Variants in CDH13 observed in about 807,000 individuals in gnomAD.
CDH13 encodes the protein cadherin 13.
CDH13 carries 24 observed loss-of-function variants against 63.8 expected under a neutral mutation model. That is an observed-to-expected ratio of 0.38 (90% CI 0.27 to 0.53). The LOEUF (loss-of-function observed/expected upper bound fraction) is 0.53. Ranked by LOEUF, CDH13 falls within the 20% of genes least tolerant of loss-of-function variation. The pLI is 0.85. For missense variants in CDH13, 1,049 were observed against 903.1 expected (o/e 1.16, Z -2.07); for synonymous variants, 503 against 355.3 (o/e 1.42, Z -4.67).
chr16:83,346,999 A>G (rs867189330), intron 6 of CDH13, among the ~76,000 whole-genome samples: 5 of 152,290 alleles, frequency 3.3e-5, no homozygotes, highest in African/African-American at 9.6e-5. Context: ...GGGTTGGACT[A>G]TAAAGCACGC....
At chr16:83,555,220 T>C (rs1407712293) in intron 7 of CDH13, among the ~76,000 whole-genome samples, 9 of 152,198 alleles carry the variant, frequency 5.9e-5, no homozygotes, top group African/African-American at 1.9e-4. Context: ...ATGGAGACCA[T>C]GGTTTGTACA....
intron 1 of CDH13, among the ~76,000 whole-genome samples, chr16:82,852,146 C>T (rs937145560): frequency 6.6e-6 from 1 of 152,186 alleles, no homozygotes; most frequent in Admixed American, 6.5e-5. Context: ...AAGTTTCTCT[C>T]TTTATTTGTG....
intron 6 of CDH13, among the ~76,000 whole-genome samples, chr16:83,400,751 C>G (rs2091955824): frequency 6.6e-6 from 1 of 151,570 alleles, no homozygotes; most frequent in Admixed American, 6.6e-5. Context: ...AAAGTGAGTC[C>G]CATCAACCCA....
At chr16:83,171,639 A>G in intron 4 of CDH13, 4 of 1,271,676 alleles carry the variant, frequency 3.1e-6, no homozygotes, top group African/African-American at 1.5e-5. Context: ...CCAATTTCCT[A>G]TATGCCATCA....
intron 7 of CDH13, among the ~76,000 whole-genome samples, chr16:83,504,654 G>T (rs972712784): frequency 1.3e-5 from 2 of 152,202 alleles, no homozygotes; most frequent in African/African-American, 4.8e-5. Context: ...GTCATGGCAG[G>T]TAGCGGGAGA....
chr16:82,701,168 C>A (rs936580834), intron 1 of CDH13, among the ~76,000 whole-genome samples: 6 of 152,082 alleles, frequency 3.9e-5, no homozygotes, highest in Non-Finnish European at 8.8e-5. Context: ...CTCTTCCTCA[C>A]CTTCTACTAA....
chr16:83,518,380 T>C (rs1459189526), intron 7 of CDH13, among the ~76,000 whole-genome samples: 1 of 148,408 alleles, frequency 6.7e-6, no homozygotes, highest in Non-Finnish European at 1.5e-5. Context: ...CTCCTGACCT[T>C]GTGATCCACC....
In CDH13 at chr16:83,140,681, C is replaced by A. The variant is rs2036492019; in HGVS notation, c.483+15180C>A. Among the ~76,000 whole-genome samples, 4 of 152,302 alleles carry A rather than the reference C, an allele frequency of 2.6e-5. No homozygotes were observed. In the South Asian group the frequency reaches 6.2e-4, roughly 24 times the overall value. ...TGTTGGCCAGGCTTGTCTCGAACTC[C>A]TGACCTCAGGTGATCCACCCGCCTG... On this transcript the variant is annotated intron_variant, in intron 4 of 13. Coordinates refer to ENST00000567109, the MANE Select transcript of CDH13 (RefSeq NM_001257.5).
At chr16:82,839,142 A>G (rs956662460) in intron 1 of CDH13, among the ~76,000 whole-genome samples, 1 of 152,236 alleles carries the variant, frequency 6.6e-6, no homozygotes, top group African/African-American at 2.4e-5. Context: ...GATTGGGACA[A>G]GAACTCAGAG....
intron 7 of CDH13, among the ~76,000 whole-genome samples, chr16:83,584,397 A>G (rs1905944106): frequency 6.6e-6 from 1 of 152,218 alleles, no homozygotes; most frequent in Admixed American, 6.5e-5. Context: ...GGGACAGAGA[A>G]CTATCTATGG....
intron 5 of CDH13, among the ~76,000 whole-genome samples, chr16:83,249,330 T>C (rs189340660): frequency 6.6e-6 from 1 of 152,334 alleles, no homozygotes; most frequent in African/African-American, 2.4e-5. Context: ...TAGCTTGATA[T>C]CAGCCATGGC....
chr16:83,772,061 G>C (rs1442816143), intron 11 of CDH13, among the ~76,000 whole-genome samples: 1 of 152,170 alleles, frequency 6.6e-6, no homozygotes, highest in Non-Finnish European at 1.5e-5. Flanking sequence ...GGTGGAGAAG[G>C]ATGGGGGGTG....
At chr16:82,862,807 G>A (rs184625538) in intron 2 of CDH13, among the ~76,000 whole-genome samples, 7 of 152,248 alleles carry the variant, frequency 4.6e-5, no homozygotes, top group East Asian at 3.9e-4. Flanking sequence ...AGATGCAGTC[G>A]GGCTGCTCTC....
chr16:82,859,236 T>G (rs1478615865), intron 2 of CDH13: 1 of 152,138 alleles, frequency 6.6e-6, no homozygotes, highest in Non-Finnish European at 1.5e-5. Context: ...CAACTGGAAA[T>G]GAAGAATATG....
chr16:83,680,522 C>T (rs1598466461), intron 10 of CDH13, among the ~76,000 whole-genome samples: 1 of 152,170 alleles, frequency 6.6e-6, no homozygotes, highest in Non-Finnish European at 1.5e-5. Flanking sequence ...CATTAAGGAA[C>T]ATCCAGGCCA....
chr16:82,893,891 A>T (rs183221367), intron 2 of CDH13, among the ~76,000 whole-genome samples: 28 of 152,248 alleles, frequency 1.8e-4, no homozygotes, highest in Non-Finnish European at 3.4e-4. Context: ...TCCAAGTGAC[A>T]TCATTCCCCC....
At chr16:82,898,417 C>G (rs1241791712) in intron 2 of CDH13, among the ~76,000 whole-genome samples, 1 of 152,190 alleles carries the variant, frequency 6.6e-6, no homozygotes, top group Non-Finnish European at 1.5e-5. Context: ...TCCGGCTACT[C>G]AGGAGGTGGA....
At chr16:82,873,858 ACTT>A (rs1186017409) in intron 2 of CDH13, among the ~76,000 whole-genome samples, 2 of 151,968 alleles carry the variant, frequency 1.3e-5, no homozygotes, top group Admixed American at 6.6e-5. Flanking sequence ...TTTTCTTCCT[ACTT>A]CTTCTGAGAC....
chr16:83,732,261 A>G (rs1911112979), intron 10 of CDH13, among the ~76,000 whole-genome samples: 1 of 152,188 alleles, frequency 6.6e-6, no homozygotes, highest in Admixed American at 6.5e-5. Context: ...GGAGAAGGCC[A>G]CCTTAGATGG....
Sources: gnomAD v4.1 joint callset for allele counts (sites outside exome capture counted in the v4.1 genomes callset) on GRCh38, gnomAD v4.1.1 for gene constraint, MANE v1.5 for transcripts, NCBI Gene and HGNC (gene_info 2026-07-23, HGNC 2026-07-21) for gene names.